DEPDC5: variants seen among roughly 807,000 people sequenced by gnomAD.
The protein encoded by DEPDC5 is GATOR1 complex protein DEPDC5.
A neutral mutation model predicts 217.3 loss-of-function variants in DEPDC5; 73 were observed. That is an observed-to-expected ratio of 0.34 (90% CI 0.28 to 0.41). The LOEUF (loss-of-function observed/expected upper bound fraction) is 0.41. Ranked by LOEUF, DEPDC5 falls within the 10% of genes least tolerant of loss-of-function variation. DEPDC5 has a pLI of 1.00. For missense variants in DEPDC5, 1,675 were observed against 2,070.1 expected (o/e 0.81, Z 3.70); for synonymous variants, 733 against 756.7 (o/e 0.97, Z 0.51).
Position 31,864,526 on chromosome 22 carries a change from T to TATATATATATATATA in DEPDC5, c.3330+3093_3330+3094insATATATATATATATA, listed in dbSNP as rs1335760559. Among the ~76,000 whole-genome samples the TATATATATATATATA allele has an allele frequency of 3.0e-3, 350 of 117,606 alleles. 3 individuals are homozygous for TATATATATATATATA. The highest frequency in any genetic ancestry group is 7.5e-3 in the South Asian group (28 of 3,718). The allele number at this position is 117,606 out of a possible 152,430, so 77.2% of individuals were successfully genotyped here. ...AATATATATATATATATATATATAT[T>TATATATATATATATA]TATATATTTATTTATTTACTGTGTG... On this transcript the variant is annotated intron_variant, in intron 33 of 42. Transcript: ENST00000651528.
chr22:31,837,148 A>G lies in DEPDC5; in HGVS notation c.2347A>G (p.Ile783Val), dbSNP rs1479941161. The G allele has an allele frequency of 1.9e-6, 3 of 1,614,182 alleles. No homozygotes were observed. Among genetic ancestry groups the G allele is most frequent in the Non-Finnish European group, 2.5e-6 (3 of 1,180,026 alleles). The change falls in exon 26 of 43, where the codon ATC becomes GTC. Residue 783 changes from isoleucine to valine, a missense_variant. Around this residue, in one of 11 missense-constraint regions of DEPDC5, gnomAD observed 293 missense variants for 386.1 expected, o/e 0.76. Transcript: ENST00000651528. ...GCYDLLPEAD[I>V]DRRDEDGVQM... ...TTATGATCTCCTTCCAGAAGCAGAC[A>G]TCGACAGGTCAGTGTCAGAGAAAAA...
In DEPDC5 at chr22:31,839,980, A is replaced by T. The variant is rs993026018; in HGVS notation, c.2515+1135A>T. 5.9e-5 allele frequency among the ~76,000 whole-genome samples: 9 copies of T among 152,366 alleles called. No individual in the cohort carries two copies. The East Asian group carries it at 1.5e-3, about 26-fold the overall frequency. On this transcript the variant is annotated intron_variant, in intron 27 of 42. Transcript: ENST00000651528. ...ACCCTGTCTCTAAAAAGAAAAGAAA[A>T]GAAAAATAAATATATGAATCCATTT...
At chr22:31,817,438 CT>C (rs2082196096) in intron 21 of DEPDC5, 2 of 475,304 alleles carry the variant, frequency 4.2e-6, no homozygotes, top group South Asian at 1.5e-5. Flanking sequence ...TACTTGGTGG[CT>C]TTTTATATAT....
Position 31,879,745 on chromosome 22 carries a change from A to C in DEPDC5, c.4026A>C (p.Ala1342=). Residue 1342 remains alanine, a synonymous_variant, in exon 38 of 43, where the codon GCA becomes GCC. Coordinates refer to ENST00000651528, the MANE Select transcript of DEPDC5 (RefSeq NM_001242896.3). The stretch of plus-strand genomic sequence containing the variant: ...TTGGAGGACGGAGCCAGGCGGCAGC[A>C]CTTTTAGGTACATGCTCAACCCAGA... ...RSFGGRSQAA[A]LLAATVPEQR... is the part of the protein sequence containing the mutation. 1 of 1,613,180 alleles carries C rather than the reference A, an allele frequency of 6.2e-7. No individual in the cohort carries two copies. Among genetic ancestry groups the C allele is most frequent in the Non-Finnish European group, 8.5e-7 (1 of 1,179,722 alleles).
Position 31,879,043 on chromosome 22 carries a change from A to AAAAT in DEPDC5, c.3806-481_3806-480insAATA, listed in dbSNP as rs763615141. 2.8e-3 allele frequency among the ~76,000 whole-genome samples: 334 copies of AAAAT among 119,284 alleles called. 2 individuals are homozygous for AAAAT. The highest frequency in any genetic ancestry group is 8.6e-3 in the East Asian group (35 of 4,070). 78.3% of individuals were successfully genotyped at this position (119,284 alleles called of 152,430 possible). On this transcript the variant is annotated intron_variant, in intron 37 of 42. Transcript: ENST00000651528. ...AGACTCCGTCTCAAAAAAAAAAAAA[A>AAAAT]ATATATATATATATATATATATATA...
intron 33 of DEPDC5, among the ~76,000 whole-genome samples, chr22:31,869,975 G>C (rs1176863139): frequency 6.6e-6 from 1 of 152,192 alleles, no homozygotes; most frequent in East Asian, 1.9e-4. Flanking sequence ...ATTTAGAGAT[G>C]CATGTGAATC....
At chr22:31,806,013 G>T in intron 17 of DEPDC5, 109 bp from the exon 18 acceptor site, 1 of 861,876 alleles carries the variant, frequency 1.2e-6, no homozygotes, top group South Asian at 1.6e-5. Context: ...GTGAAGCTGA[G>T]AACAAAGCCC....
rs2090014059 is a variant in DEPDC5 at position 31,824,864 on chromosome 22, T to C, written c.2104+2074T>C. ...GGTGGCGGGCACCTGTAGTCCCAGCTACTTGGGAGGCTGAGGCAGGAGAAT... is the reference window on the plus strand; with the variant it reads ...GGTGGCGGGCACCTGTAGTCCCAGCCACTTGGGAGGCTGAGGCAGGAGAAT... On this transcript the variant is annotated intron_variant, in intron 24 of 42. Coordinates refer to ENST00000651528, the MANE Select transcript of DEPDC5 (RefSeq NM_001242896.3). Among the ~76,000 whole-genome samples, 2 of 150,878 alleles carry C rather than the reference T, an allele frequency of 1.3e-5. 1 individual carries two copies. The highest frequency in any genetic ancestry group is 4.2e-4 in the South Asian group (2 of 4,788).
At chr22:31,834,955 G>A (rs2090887951) in intron 25 of DEPDC5, among the ~76,000 whole-genome samples, 1 of 152,078 alleles carries the variant, frequency 6.6e-6, no homozygotes, top group Non-Finnish European at 1.5e-5. Flanking sequence ...TGACCATTTG[G>A]ATGGCTTTCT....
chr22:31,888,244 T>TG, intron 38 of DEPDC5, among the ~76,000 whole-genome samples: 1 of 134,790 alleles, frequency 7.4e-6, no homozygotes, highest in South Asian at 2.6e-4. Flanking sequence ...TCTGTGGTTT[T>TG]TTTTTTTTTT....
At chr22:31,852,320 TA>T (rs1382020550) in intron 31 of DEPDC5, among the ~76,000 whole-genome samples, 11 of 151,590 alleles carry the variant, frequency 7.3e-5, no homozygotes, top group Admixed American at 2.0e-4. Flanking sequence ...GTTTTCCTTT[TA>T]TTTATTTATT....
chr22:31,899,762 C>G (rs1569237955), intron 40 of DEPDC5, among the ~76,000 whole-genome samples: 1 of 152,126 alleles, frequency 6.6e-6, no homozygotes, highest in African/African-American at 2.4e-5. Context: ...GAAAGATTAG[C>G]AAAACCACCG....
In DEPDC5 at chr22:31,755,689, C is replaced by A. The variant is rs563416882; in HGVS notation, c.58+710C>A. Among the ~76,000 whole-genome samples, 24 of 151,934 alleles carry A rather than the reference C, an allele frequency of 1.6e-4. 1 individual carries two copies. The South Asian group carries it at 5.0e-3, about 32-fold the overall frequency. ...CCTCCCTAATAGTTGGGATTACAGGCGTGAGCCACTGTACCCAGCTCTCCT... is the reference window on the plus strand; with the variant it reads ...CCTCCCTAATAGTTGGGATTACAGGAGTGAGCCACTGTACCCAGCTCTCCT... On this transcript the variant is annotated intron_variant, in intron 2 of 42. Transcript: ENST00000651528.
Position 31,819,163 on chromosome 22 carries a change from C to G in DEPDC5, c.1808C>G (p.Pro603Arg). 6.2e-7 allele frequency: 1 copy of G among 1,614,184 alleles called. No homozygotes were observed. The highest frequency in any genetic ancestry group is 8.5e-7 in the Non-Finnish European group (1 of 1,180,032). Residue 603 changes from proline to arginine, a missense_variant, in exon 22 of 43, where the codon CCC becomes CGC. Pro to Arg is a moderately radical substitution (Grantham distance 103). Coordinates refer to ENST00000651528, the MANE Select transcript of DEPDC5 (RefSeq NM_001242896.3). ...AGAGCACTGATTAACCCCTTCGCTC[C>G]CTCTCGGATGCCCATGAAGCTTACG... Reference protein sequence around the residue: ...PQRALINPFAPSRMPMKLTSN... With the variant: ...PQRALINPFARSRMPMKLTSN...
chr22:31,763,857 T>C, intron 4 of DEPDC5, among the ~76,000 whole-genome samples: 2 of 152,260 alleles, frequency 1.3e-5, no homozygotes, highest in South Asian at 4.1e-4. Flanking sequence ...AAAAAAAAAT[T>C]TAAAGTTTTC....
chr22:31,807,264 A>G (rs1329774125), intron 18 of DEPDC5, among the ~76,000 whole-genome samples: 2 of 152,216 alleles, frequency 1.3e-5, no homozygotes, highest in African/African-American at 2.4e-5. Flanking sequence ...ATGTAAGGAA[A>G]TAATTGAAGT....
At chr22:31,860,066 T>C (rs572234986) in intron 32 of DEPDC5, among the ~76,000 whole-genome samples, 2 of 152,294 alleles carry the variant, frequency 1.3e-5, no homozygotes, top group South Asian at 2.1e-4. Context: ...GCAAATATAT[T>C]AGATTGCTGT....
intron 29 of DEPDC5, among the ~76,000 whole-genome samples, chr22:31,844,275 C>G (rs2091578666): frequency 6.6e-6 from 1 of 151,914 alleles, no homozygotes; most frequent in African/African-American, 2.4e-5. Flanking sequence ...TGGTGACATA[C>G]CCCTATAGTC....
At chr22:31,897,340 T>C (rs1397935457) in intron 39 of DEPDC5, 142 bp from the exon 40 acceptor site, 2 of 1,120,658 alleles carry the variant, frequency 1.8e-6, no homozygotes, top group East Asian at 5.1e-5. Flanking sequence ...CCAGGACCAA[T>C]TTGCAGCCAG....
Sources: allele counts gnomAD v4.1 joint callset (sites outside exome capture counted in the v4.1 genomes callset), GRCh38; gene constraint gnomAD v4.1.1; regional missense constraint gnomAD v4.1.1; transcripts MANE v1.5; gene names NCBI Gene and HGNC (gene_info 2026-07-23, HGNC 2026-07-21).